Variants in MON2 observed in about 807,000 individuals in gnomAD.
The protein encoded by MON2 is protein MON2 homolog.
A neutral mutation model predicts 208.6 loss-of-function variants in MON2; 84 were observed. That is an observed-to-expected ratio of 0.40 (90% CI 0.34 to 0.48). The LOEUF (loss-of-function observed/expected upper bound fraction) is 0.48, where lower values mean the gene tolerates loss of function less well. Among genes scored for constraint, MON2 ranks in the 20% least tolerant of loss-of-function variants. The pLI is 0.59. For missense variants in MON2, 1,611 were observed against 2,015.4 expected (o/e 0.80, Z 3.84); for synonymous variants, 660 against 694.0 (o/e 0.95, Z 0.77).
chr12:62,491,388 C>T (rs1404571957), intron 2 of MON2, among the ~76,000 whole-genome samples: 1 of 152,128 alleles, frequency 6.6e-6, no homozygotes, highest in Non-Finnish European at 1.5e-5. Flanking sequence ...GTTTAATTGT[C>T]ACTGACTTTT....
At chr12:62,576,478 A>G (rs2074790391) in intron 30 of MON2, among the ~76,000 whole-genome samples, 2 of 152,118 alleles carry the variant, frequency 1.3e-5, no homozygotes, top group African/African-American at 4.8e-5. Context: ...TATAGATTAT[A>G]TTGCAACAAA....
At chr12:62,484,644 T>C (rs981717732) in intron 2 of MON2, 3 of 156,676 alleles carry the variant, frequency 1.9e-5, no homozygotes, top group African/African-American at 7.2e-5. Flanking sequence ...ATACGAACAG[T>C]TCATAACATA....
At chr12:62,514,993 TG>T (rs1480133811) in intron 8 of MON2, among the ~76,000 whole-genome samples, 1 of 152,182 alleles carries the variant, frequency 6.6e-6, no homozygotes, top group Non-Finnish European at 1.5e-5. Context: ...TAACAAGTGT[TG>T]GCAAGGATGT....
intron 2 of MON2, among the ~76,000 whole-genome samples, chr12:62,485,743 A>G (rs902349285): frequency 6.6e-6 from 1 of 151,982 alleles, no homozygotes; most frequent in Non-Finnish European, 1.5e-5. Flanking sequence ...TGCTCTTGTT[A>G]TCCCAGCTGG....
At chr12:62,507,570 C>T (rs1037807397) in intron 7 of MON2, among the ~76,000 whole-genome samples, 4 of 152,066 alleles carry the variant, frequency 2.6e-5, no homozygotes, top group African/African-American at 9.7e-5. Flanking sequence ...CCTCCCATCT[C>T]AGCCTCCCAA....
At chr12:62,490,144 A>C in intron 2 of MON2, 3 of 343,104 alleles carry the variant, frequency 8.7e-6, no homozygotes, top group Non-Finnish European at 1.6e-5. Flanking sequence ...ATTTGATCTC[A>C]CAGTTGTATA....
chr12:62,598,407 T>G lies in MON2; in HGVS notation c.*5658T>G, dbSNP rs1230594149. The G allele has an allele frequency of 6.6e-6, 1 of 152,192 alleles. No homozygotes were observed. The highest frequency in any genetic ancestry group is 2.4e-5 in the African/African-American group (1 of 41,456). The allele number at this position is 152,192 out of a possible 1,614,324, so 9.4% of individuals were successfully genotyped here. On this transcript the variant is annotated 3_prime_UTR_variant, in exon 35 of 35. Coordinates refer to ENST00000393630, the MANE Select transcript of MON2 (RefSeq NM_015026.3). Reference sequence around the variant, plus strand: ...ATCATTGCAATATATTAACAACTGCTTCCTTCTATGATGTTTACTAGATGG... The same window carrying G: ...ATCATTGCAATATATTAACAACTGCGTCCTTCTATGATGTTTACTAGATGG...
intron 26 of MON2, among the ~76,000 whole-genome samples, chr12:62,564,597 G>T (rs2074311697): frequency 6.6e-6 from 1 of 151,870 alleles, no homozygotes; most frequent in Admixed American, 6.6e-5. Context: ...CAAATTATTT[G>T]AAGTAAGAAA....
rs201386044 is a variant in MON2 at position 62,578,517 on chromosome 12, A to T, written c.4575+12A>T. 172 of 1,477,540 alleles carry T rather than the reference A, an allele frequency of 1.2e-4. No homozygotes were observed. The African/African-American group carries it at 2.2e-3, about 19-fold the overall frequency. 91.5% of individuals were successfully genotyped at this position (1,477,540 alleles called of 1,614,324 possible). ...ATATTGATGTCGAGGTAAGGAGGCTATTTAAAATGTTTTCCTGTGACCATT... is the reference window on the plus strand; with the variant it reads ...ATATTGATGTCGAGGTAAGGAGGCTTTTTAAAATGTTTTCCTGTGACCATT... On this transcript the variant is annotated intron_variant, in intron 31 of 34. Transcript: ENST00000393630.
intron 1 of MON2, among the ~76,000 whole-genome samples, chr12:62,471,013 G>A (rs898797132): frequency 2.6e-5 from 4 of 152,156 alleles, no homozygotes; most frequent in Admixed American, 6.5e-5. Context: ...GAGTTAGACA[G>A]TAGTGAAAGA....
At chr12:62,499,478 T>C (rs1398636667) in intron 5 of MON2, among the ~76,000 whole-genome samples, 2 of 152,348 alleles carry the variant, frequency 1.3e-5, no homozygotes, top group Middle Eastern at 3.4e-3. Context: ...CCTACGTATC[T>C]TTTTGAATTA....
chr12:62,527,765 G>C (rs1184372844), intron 11 of MON2, among the ~76,000 whole-genome samples: 1 of 151,800 alleles, frequency 6.6e-6, no homozygotes, highest in African/African-American at 2.4e-5. Context: ...GGTGAAGATG[G>C]GGACAGAAAG....
chr12:62,509,679 G>A (rs1345866357), intron 8 of MON2, among the ~76,000 whole-genome samples: 1 of 152,110 alleles, frequency 6.6e-6, no homozygotes, highest in Non-Finnish European at 1.5e-5. Context: ...TAAGAAGATT[G>A]TAATCATACC....
intron 11 of MON2, among the ~76,000 whole-genome samples, chr12:62,526,936 G>C (rs2072361848): frequency 6.6e-6 from 1 of 152,098 alleles, no homozygotes; most frequent in South Asian, 2.1e-4. Flanking sequence ...AGACCAGTCT[G>C]GCCAATGTGG....
At chr12:62,571,237 G>T (rs1359361454) in intron 29 of MON2, among the ~76,000 whole-genome samples, 155 bp from the exon 30 acceptor site, 1 of 152,090 alleles carries the variant, frequency 6.6e-6, no homozygotes, top group Non-Finnish European at 1.5e-5. Context: ...CTGAGAATTG[G>T]CCTTTCTGCG....
chr12:62,543,355 AGTT>A (rs1309237739), intron 20 of MON2, among the ~76,000 whole-genome samples, 157 bp downstream of exon 20: 1 of 152,132 alleles, frequency 6.6e-6, no homozygotes, highest in Non-Finnish European at 1.5e-5. Context: ...CAAGGACTAA[AGTT>A]GTTTTGTAAT....
At chr12:62,552,220 G>A (rs1008214900) in intron 23 of MON2, among the ~76,000 whole-genome samples, 20 of 152,000 alleles carry the variant, frequency 1.3e-4, no homozygotes, top group Admixed American at 9.8e-4. Context: ...AATCCCCCAC[G>A]GATACCGAGG....
intron 26 of MON2, among the ~76,000 whole-genome samples, chr12:62,564,770 T>G (rs1565691328): frequency 6.6e-6 from 1 of 152,172 alleles, no homozygotes; most frequent in East Asian, 1.9e-4. Context: ...GTAGATGACT[T>G]ATTTTCCCAA....
intron 8 of MON2, among the ~76,000 whole-genome samples, chr12:62,521,160 T>C (rs1277303680): frequency 1.3e-5 from 2 of 151,810 alleles, no homozygotes; most frequent in Non-Finnish European, 2.9e-5. Context: ...TGCCTGCCAC[T>C]ATGCCTGGCT....
Sources: gnomAD v4.1 joint callset for allele counts (sites outside exome capture counted in the v4.1 genomes callset) on GRCh38, gnomAD v4.1.1 for gene constraint, MANE v1.5 for transcripts, NCBI Gene and HGNC (gene_info 2026-07-23, HGNC 2026-07-21) for gene names.